GALNS: variants seen among roughly 807,000 people sequenced by gnomAD.
The protein encoded by GALNS is N-acetylgalactosamine-6-sulfatase.
A neutral mutation model predicts 65.9 loss-of-function variants in GALNS; 65 were observed. The observed-to-expected ratio is 0.99, with a 90% confidence interval of 0.81 to 1.21. The LOEUF is 1.21. GALNS is among the 50% of genes most tolerant of loss of function. The probability of loss-of-function intolerance (pLI) is 0.00; values close to 1 mark genes in which losing one functional copy is unlikely to be tolerated. For missense variants in GALNS, 776 were observed against 700.7 expected, an observed-to-expected ratio of 1.11 and a Z score of -1.21; for synonymous variants, 346 against 288.9, an observed-to-expected ratio of 1.20 and a Z score of -2.00.
chr16:88,834,008 C>T (rs1911802717), intron 8 of GALNS, among the ~76,000 whole-genome samples: 1 of 152,024 alleles, frequency 6.6e-6, no homozygotes, highest in Non-Finnish European at 1.5e-5. Context: ...TGACGGCCAA[C>T]ACCACCCTCC....
At chr16:88,853,904 G>A (rs1473056236) in intron 1 of GALNS, among the ~76,000 whole-genome samples, 1 of 152,180 alleles carries the variant, frequency 6.6e-6, no homozygotes, top group Non-Finnish European at 1.5e-5. Flanking sequence ...TTCCCCTTCT[G>A]GTCCCGACTC....
chr16:88,855,284 G>A, intron 1 of GALNS: 1 of 699,954 alleles, frequency 1.4e-6, no homozygotes, highest in East Asian at 2.7e-5. Flanking sequence ...GGCTTCACCT[G>A]CAGAGCCCAG....
chr16:88,839,347 A>T (rs1912481386), intron 4 of GALNS, among the ~76,000 whole-genome samples: 1 of 152,254 alleles, frequency 6.6e-6, no homozygotes, highest in Non-Finnish European at 1.5e-5. Context: ...CGTCCGCAGC[A>T]CAAAGGCCTT....
intron 9 of GALNS, among the ~76,000 whole-genome samples, chr16:88,828,703 C>G (rs1023111971): frequency 6.6e-6 from 1 of 152,222 alleles, no homozygotes; most frequent in Admixed American, 6.5e-5. Flanking sequence ...CTGAAATTGG[C>G]ATTTTTCTCA....
chr16:88,833,429 T>TCCC (rs1229131559), intron 8 of GALNS, among the ~76,000 whole-genome samples: 4 of 142,580 alleles, frequency 2.8e-5, no homozygotes, highest in African/African-American at 1.1e-4. Context: ...CCTCCCTCCC[T>TCCC]TTCTTTCCTT....
chr16:88,836,314 A>G, intron 5 of GALNS, 47 bp from the exon 6 acceptor site: 2 of 1,478,810 alleles, frequency 1.4e-6, no homozygotes, highest in South Asian at 1.2e-5. Context: ...TAGGCCAAGA[A>G]AGTCCCGTTC....
chr16:88,842,180 T>A, intron 2 of GALNS: 1 of 658,534 alleles, frequency 1.5e-6, no homozygotes, highest in Non-Finnish European at 2.8e-6. Flanking sequence ...GCGTGGCCCT[T>A]GGGCCCTGCA....
At chr16:88,845,254 G>A (rs506914) in intron 1 of GALNS, 59,008 of 152,208 alleles carry the variant, frequency 0.39, 11,898 homozygotes, top group Non-Finnish European at 0.44. Context: ...TACAGTAGCC[G>A]GCAGGAGAAT....
intron 9 of GALNS, among the ~76,000 whole-genome samples, chr16:88,830,748 C>G (rs768240617): frequency 5.0e-4 from 76 of 152,178 alleles, no homozygotes; most frequent in Non-Finnish European, 9.1e-4. Flanking sequence ...AGGGCGCACC[C>G]TCGCCCAGCC....
intron 9 of GALNS, 90 bp from the exon 10 acceptor site, chr16:88,826,928 GC>G: frequency 6.9e-7 from 1 of 1,454,742 alleles, no homozygotes; most frequent in Non-Finnish European, 9.4e-7. Flanking sequence ...GAGCCCCGCT[GC>G]CCAGCTGGGT....
chr16:88,817,211 G>C, intron 13 of GALNS: 1 of 984,742 alleles, frequency 1.0e-6, no homozygotes, highest in Non-Finnish European at 1.2e-6. Context: ...AGCTGCTCCT[G>C]AGAGGCCCTG....
At position 88,837,619 on chromosome 16, in the gene GALNS, T is replaced by G. The variant is rs1464451985; in HGVS notation, c.566+3A>C. The G allele has an allele frequency of 1.2e-6, 2 of 1,612,578 alleles. No homozygotes were observed. The highest frequency in any genetic ancestry group is 3.3e-5 in the Admixed American group (2 of 59,988). On this transcript the variant is annotated splice_donor_region_variant and intron_variant, in intron 5 of 13. Transcript: ENST00000268695. ...GGGAGGGGAAGGGGTGGGGCTCCAT[T>G]ACCTGCCAACCATCTCCCAGTCCCT...
intron 13 of GALNS, chr16:88,816,245 C>G (rs1436680421): frequency 2.0e-6 from 2 of 985,316 alleles, no homozygotes; most frequent in Non-Finnish European, 2.4e-6. Flanking sequence ...CCCACTGTCT[C>G]CATGGCAGGT....
At chr16:88,847,624 A>C (rs2143007856) in intron 1 of GALNS, among the ~76,000 whole-genome samples, 2 of 152,346 alleles carry the variant, frequency 1.3e-5, no homozygotes, top group East Asian at 3.9e-4. Flanking sequence ...AGCCGGAGAG[A>C]GGCTCACTTT....
rs115579243 is a variant in GALNS at position 88,855,623 on chromosome 16, C to T, written c.120+1135G>A. 378 of 622,740 alleles carry T rather than the reference C, an allele frequency of 6.1e-4. No homozygotes were observed. The African/African-American group carries it at 6.4e-3, about 11-fold the overall frequency. 38.6% of individuals were successfully genotyped at this position (622,740 alleles called of 1,614,324 possible). On this transcript the variant is annotated intron_variant, in intron 1 of 13. Coordinates refer to ENST00000268695, the MANE Select transcript of GALNS (RefSeq NM_000512.5). ...TTATGGGTGGTGTCTGTTATCTTTTCAAGTATATCTTTATGTTAAAAAACC... is the reference window on the plus strand; with the variant it reads ...TTATGGGTGGTGTCTGTTATCTTTTTAAGTATATCTTTATGTTAAAAAACC...
intron 13 of GALNS, chr16:88,816,683 C>T (rs112609821): frequency 0.014 from 14,135 of 985,430 alleles, 123 homozygotes; most frequent in African/African-American, 0.031. Flanking sequence ...ATCCGCCGGC[C>T]CACGCTGTGG....
At chr16:88,848,044 T>C (rs1349150827) in intron 1 of GALNS, among the ~76,000 whole-genome samples, 1 of 152,124 alleles carries the variant, frequency 6.6e-6, no homozygotes, top group Non-Finnish European at 1.5e-5. Context: ...ACACAGGCTG[T>C]GTGTGTGAAG....
intron 9 of GALNS, among the ~76,000 whole-genome samples, chr16:88,830,360 C>T (rs1010030481): frequency 1.3e-5 from 2 of 151,624 alleles, no homozygotes; most frequent in Non-Finnish European, 2.9e-5. Context: ...TGGGAAAAGG[C>T]AGGGAACAGA....
intron 10 of GALNS, among the ~76,000 whole-genome samples, chr16:88,825,780 G>A (rs532729656): frequency 7.9e-4 from 120 of 152,126 alleles, no homozygotes; most frequent in African/African-American, 2.9e-3. Context: ...ACGCAGCTGG[G>A]CACCGTCTCT....
Sources: gnomAD v4.1 joint callset for allele counts (sites outside exome capture counted in the v4.1 genomes callset) on GRCh38, gnomAD v4.1.1 for gene constraint, MANE v1.5 for transcripts, NCBI Gene and HGNC (gene_info 2026-07-23, HGNC 2026-07-21) for gene names.